The following LLGL2 variants were observed in gnomAD, a reference collection of about 807,000 sequenced individuals.
LLGL2 encodes the protein LLGL scribble cell polarity complex component 2, also known as LLGL2, scribble cell polarity complex component.
LLGL2 carries 81 observed loss-of-function variants against 123.2 expected under a neutral mutation model. The ratio of observed to expected loss-of-function variants is 0.66; its 90% confidence interval spans 0.55 to 0.79. LLGL2 has a LOEUF of 0.79. Ranked by LOEUF, LLGL2 falls within the 30% of genes least tolerant of loss-of-function variation. The pLI, the probability that LLGL2 is intolerant of heterozygous loss-of-function variation, is 0.00. For missense variants in LLGL2, 1,273 were observed against 1,414.6 expected (o/e 0.90, Z 1.61); for synonymous variants, 577 against 594.1 (o/e 0.97, Z 0.42).
In LLGL2 at chr17:75,550,359, C is replaced by A. The variant is rs1598564401; in HGVS notation, c.76-5687C>A. On this transcript the variant is annotated intron_variant, in intron 2 of 25. Coordinates refer to ENST00000392550, the MANE Select transcript of LLGL2 (RefSeq NM_001031803.2). ...CCTCTAACAGGGACCTGGAACTGTT[C>A]CTGAACCCTAAACAAGGGGGGAGTC... Among the ~76,000 whole-genome samples, 4 of 152,128 alleles carry A rather than the reference C, an allele frequency of 2.6e-5. No homozygotes were observed. In the East Asian group the frequency reaches 7.7e-4, roughly 29 times the overall value.
At chr17:75,525,119 C>G (rs541236482), upstream of LLGL2, 5 of 153,302 alleles carry the variant, frequency 3.3e-5, no homozygotes, top group African/African-American at 1.2e-4. This position sits in a 1 kb window ranked among gnomAD's most constrained non-coding sequence, Gnocchi z 4.8. Flanking sequence ...CCTCCTCCCT[C>G]GCTTGTGCTA....
chr17:75,527,536 C>T (rs1239222969), intron 1 of LLGL2, among the ~76,000 whole-genome samples: 1 of 152,004 alleles, frequency 6.6e-6, no homozygotes, highest in African/African-American at 2.4e-5. Context: ...ACACTACATT[C>T]ATAAATAAGA....
intron 1 of LLGL2, among the ~76,000 whole-genome samples, chr17:75,533,377 T>C (rs1343908890): frequency 7.4e-6 from 1 of 135,864 alleles, no homozygotes; most frequent in Non-Finnish European, 1.5e-5. Flanking sequence ...CGATCTCGGC[T>C]CACTGCAAGC....
At position 75,571,882 on chromosome 17, in the gene LLGL2, C is replaced by T. The variant is rs571119802; in HGVS notation, c.2294-16C>T. On this transcript the variant is annotated splice_polypyrimidine_tract_variant and intron_variant, in intron 18 of 25. Coordinates refer to ENST00000392550, the MANE Select transcript of LLGL2 (RefSeq NM_001031803.2). ...CCACCCCCTCACCAGCCCCAACACC[C>T]ACCTCCTCCCCCTAGCCAAGGAGAT... is the stretch of plus-strand genomic sequence containing the variant. The T allele has an allele frequency of 6.8e-6, 11 of 1,610,778 alleles. No individual in the cohort carries two copies. The African/African-American group carries it at 1.5e-4, about 22-fold the overall frequency.
intron 2 of LLGL2, among the ~76,000 whole-genome samples, chr17:75,555,433 T>A (rs1216085993): frequency 6.6e-6 from 1 of 151,976 alleles, no homozygotes; most frequent in African/African-American, 2.4e-5. Flanking sequence ...AGTGTGTGTG[T>A]GTATTCTGTA....
rs1394129122 is a variant in LLGL2, at chr17:75,558,858, C to T, written c.371+231C>T. ...CCATCCGCACCCCACCTCCTCCATC[C>T]GCACCCCGCCTCCTCCATCCGCACC... On this transcript the variant is annotated intron_variant, in intron 5 of 25. Coordinates refer to ENST00000392550, the MANE Select transcript of LLGL2 (RefSeq NM_001031803.2). This position sits in a 1 kb window ranked among gnomAD's most constrained non-coding sequence, Gnocchi z 4.0. The T allele has an allele frequency of 1.1e-5, 3 of 270,598 alleles. No homozygotes were observed. Among genetic ancestry groups the T allele is most frequent in the South Asian group, 1.0e-4 (2 of 19,074 alleles). 16.8% of individuals were successfully genotyped at this position (270,598 alleles called of 1,614,324 possible).
intron 2 of LLGL2, among the ~76,000 whole-genome samples, chr17:75,548,665 AGAATCACTTGAACC>A (rs2054536370): frequency 1.3e-5 from 2 of 150,972 alleles, no homozygotes; most frequent in Admixed American, 1.3e-4. Context: ...CTGAGGCAGG[AGAATCACTTGAACC>A]TGGGAGGCGG....
intron 1 of LLGL2, among the ~76,000 whole-genome samples, chr17:75,526,026 T>C (rs1244585967): frequency 1.3e-5 from 2 of 152,126 alleles, no homozygotes; most frequent in Admixed American, 1.3e-4. Flanking sequence ...TGCGGGAAAC[T>C]TCTCTGCCTG....
Position 75,564,687 on chromosome 17 carries a change from AC to A in LLGL2, c.1036+183del. 1.0e-6 allele frequency: 1 copy of A among 1,001,122 alleles called. No homozygotes were observed. Among genetic ancestry groups the A allele is most frequent in the Non-Finnish European group, 1.4e-6 (1 of 716,192 alleles). The allele number at this position is 1,001,122 out of a possible 1,614,324, so 62.0% of individuals were successfully genotyped here. ...AGTCCAGCCTGGACAACGTAGGGAG[AC>A]CCTTGTCTCTACAAAAAATAAAAAA... On this transcript the variant is annotated intron_variant, in intron 10 of 25. Transcript: ENST00000392550. This position sits in a 1 kb window ranked among gnomAD's most constrained non-coding sequence, Gnocchi z 4.9.
chr17:75,569,054 C>G lies in LLGL2; in HGVS notation c.1399C>G (p.Arg467Gly), dbSNP rs760735734. The change falls in exon 13 of 26, where the codon CGC becomes GGC. Residue 467 changes from arginine to glycine, a missense_variant. By Grantham distance (125) the Arg-to-Gly change is moderately radical. Transcript: ENST00000392550. ...GCTGCTCTACAAACTCAGCACTGTG[C>G]GCGTGTTCCTCACCGACACGGACCC... ...LRLLYKLSTV[R>G]VFLTDTDPNE... 1.2e-6 allele frequency: 2 copies of G among 1,612,592 alleles called. No individual in the cohort carries two copies. The highest frequency in any genetic ancestry group is 1.7e-6 in the Non-Finnish European group (2 of 1,179,550).
At chr17:75,528,219 C>T (rs1022612692) in intron 1 of LLGL2, among the ~76,000 whole-genome samples, 1 of 152,024 alleles carries the variant, frequency 6.6e-6, no homozygotes, top group Non-Finnish European at 1.5e-5. Flanking sequence ...GGGTTCACGC[C>T]ATTCTCCTGC....
intron 16 of LLGL2, among the ~76,000 whole-genome samples, 178 bp from the exon 17 acceptor site, chr17:75,570,772 C>G (rs1180505293): frequency 6.6e-6 from 1 of 152,166 alleles, no homozygotes; most frequent in East Asian, 1.9e-4. Flanking sequence ...GCTGGGGGCC[C>G]AGGCAGGCTC....
At chr17:75,569,415 A>G in intron 14 of LLGL2, 90 bp downstream of exon 14, 7 of 1,072,788 alleles carry the variant, frequency 6.5e-6, no homozygotes, top group Non-Finnish European at 9.9e-6. Flanking sequence ...TGCCTAACGC[A>G]CATTCTGTGT....
chr17:75,575,072 C>T lies in LLGL2; in HGVS notation c.*194C>T, dbSNP rs1325002780. The T allele has an allele frequency of 1.3e-5, 9 of 712,190 alleles. No individual in the cohort carries two copies. Among genetic ancestry groups the T allele is most frequent in the Admixed American group, 6.6e-5 (3 of 45,428 alleles). The allele number at this position is 712,190 out of a possible 1,614,324, so 44.1% of individuals were successfully genotyped here. A position where few individuals can be genotyped will look rare whatever the true frequency, so the allele number is the denominator to read the frequency against. ...CCCCTGGGCTGCCCTTCCCGGGCCT[C>T]GTCTGTCTGGGTCCTTTGGTCAATG... On this transcript the variant is annotated 3_prime_UTR_variant, in exon 26 of 26. Transcript: ENST00000392550.
At chr17:75,528,521 C>CT (rs1441041015) in intron 1 of LLGL2, among the ~76,000 whole-genome samples, 7 of 152,016 alleles carry the variant, frequency 4.6e-5, no homozygotes, top group Non-Finnish European at 8.8e-5. Flanking sequence ...GGCCGATCGC[C>CT]TGAGGTCAGG....
chr17:75,545,100 G>A (rs2147220498), intron 2 of LLGL2, among the ~76,000 whole-genome samples: 1 of 152,182 alleles, frequency 6.6e-6, no homozygotes, highest in South Asian at 2.1e-4. Context: ...AGCAAATAGG[G>A]CTGAACACCC....
intron 1 of LLGL2, among the ~76,000 whole-genome samples, chr17:75,529,268 C>T (rs2053688140): frequency 6.6e-6 from 1 of 151,872 alleles, no homozygotes; most frequent in Admixed American, 6.6e-5. Context: ...GTGATCTCAG[C>T]TCACTGCAAC....
chr17:75,535,988 G>T (rs2053986194), intron 1 of LLGL2, among the ~76,000 whole-genome samples: 1 of 152,326 alleles, frequency 6.6e-6, no homozygotes, highest in South Asian at 2.1e-4. Flanking sequence ...CACAGACTTG[G>T]GTAGAAAGTG....
intron 15 of LLGL2, 40 bp from the exon 16 acceptor site, chr17:75,570,308 C>T (rs1226878614): frequency 6.2e-7 from 1 of 1,607,226 alleles, no homozygotes; most frequent in African/African-American, 1.3e-5. Flanking sequence ...GCGAGGACTC[C>T]CAGGACCTAG....
Sources: allele counts gnomAD v4.1 joint callset (sites outside exome capture counted in the v4.1 genomes callset), GRCh38; gene constraint gnomAD v4.1.1; non-coding constraint Gnocchi (gnomAD v3.1); transcripts MANE v1.5; gene names NCBI Gene and HGNC (gene_info 2026-07-23, HGNC 2026-07-21).